The following KCNK6 variants were observed in gnomAD, a reference collection of about 807,000 sequenced individuals.
KCNK6 encodes the protein potassium channel subfamily K member 6.
A neutral mutation model predicts 21.9 loss-of-function variants in KCNK6; 20 were observed. The ratio of observed to expected loss-of-function variants is 0.91; its 90% CI spans 0.64 to 1.32. The LOEUF (loss-of-function observed/expected upper bound fraction) is 1.32, where lower values mean the gene tolerates loss of function less well. KCNK6 is among the 40% of genes most tolerant of loss of function. The pLI, the probability that KCNK6 is intolerant of heterozygous loss-of-function variation, is 0.00. For synonymous variants in KCNK6, 210 were observed against 218.0 expected (o/e 0.96, Z 0.32); for missense variants, 415 against 433.1 (o/e 0.96, Z 0.37).
chr19:38,322,759 A>T (rs917309622), intron 1 of KCNK6, among the ~76,000 whole-genome samples: 1 of 143,320 alleles, frequency 7.0e-6, no homozygotes, highest in Non-Finnish European at 1.5e-5. Flanking sequence ...AGGTTGCAAT[A>T]AGCTGAGATT....
rs914943766 is a variant in KCNK6, at chr19:38,327,724, T to C, written c.*321T>C. 7.7e-6 allele frequency: 3 copies of C among 388,452 alleles called. No homozygotes were observed. Among genetic ancestry groups the C allele is most frequent in the Non-Finnish European group, 1.4e-5 (3 of 208,392 alleles). 24.1% of individuals were successfully genotyped at this position (388,452 alleles called of 1,614,324 possible). A position where few individuals can be genotyped will look rare whatever the true frequency, so the allele number is the denominator to read the frequency against. On this transcript the variant is annotated 3_prime_UTR_variant, in exon 3 of 3. Transcript: ENST00000263372. ...CTCTTGCTGTCTCTGTTTCTCATTC[T>C]CTTTCATGTTCCGTCTGTGTCTCTC...
At chr19:38,326,051 A>G (rs918015415) in intron 1 of KCNK6, among the ~76,000 whole-genome samples, 1 of 151,836 alleles carries the variant, frequency 6.6e-6, no homozygotes, top group Non-Finnish European at 1.5e-5. Flanking sequence ...GAAAGTTGAG[A>G]TAATAGGCTT....
In KCNK6 at chr19:38,328,520, A is replaced by C. The variant is rs1454695222; in HGVS notation, c.*1117A>C. The C allele has an allele frequency of 1.3e-5, 2 of 152,200 alleles. No homozygotes were observed. Among genetic ancestry groups the C allele is most frequent in the African/African-American group, 4.8e-5 (2 of 41,434 alleles). 9.4% of individuals were successfully genotyped at this position (152,200 alleles called of 1,614,324 possible). ...TCTGATTTTGTTTCCTTATCTGTAAAATGGTGATCATCATAATACAACTTC... is the reference window on the plus strand; with the variant it reads ...TCTGATTTTGTTTCCTTATCTGTAACATGGTGATCATCATAATACAACTTC... On this transcript the variant is annotated 3_prime_UTR_variant, in exon 3 of 3. Transcript: ENST00000263372.
rs1969722963 is a variant in KCNK6 at position 38,327,308 on chromosome 19, G to A, written c.847G>A (p.Glu283Lys). The change falls in exon 3 of 3, where the codon GAG (glutamate) becomes AAG (lysine). Residue 283 changes from glutamate (E) to lysine (K), a missense_variant. Coordinates refer to ENST00000263372, the MANE Select transcript of KCNK6 (RefSeq NM_004823.3). ...PPCPASFNAD[E>K]DDRVDILGPQ... ...GTGCCCTGCCAGTTTCAATGCGGATGAGGACGATCGGGTGGACATCCTGGG... is the reference window on the plus strand; with the variant it reads ...GTGCCCTGCCAGTTTCAATGCGGATAAGGACGATCGGGTGGACATCCTGGG... The A allele has an allele frequency of 1.2e-6, 2 of 1,613,482 alleles. No individual in the cohort carries two copies. The highest frequency in any genetic ancestry group is 3.3e-5 in the Admixed American group (2 of 60,004).
Position 38,326,978 on chromosome 19 carries a change from G to T in KCNK6, c.708G>T (p.Val236=). The change falls in exon 2 of 3, where the codon GTG becomes GTT. Residue 236 remains valine, a synonymous_variant. Transcript: ENST00000263372. ...AGCCCTACCGGGCCCTCTACAAGGT[G>T]CTGGTCACAGGTGAGCTGGGTGGCT... ...PGQPYRALYK[V]LVTVYLFLGL... 6.2e-7 allele frequency: 1 copy of T among 1,600,554 alleles called. No individual in the cohort carries two copies.
rs369554463 is a variant in KCNK6, at chr19:38,327,169, C to T, written c.719-11C>T. 77 of 1,610,022 alleles carry T rather than the reference C, an allele frequency of 4.8e-5. No homozygotes were observed. Among genetic ancestry groups the T allele is most frequent in the Admixed American group, 2.5e-4 (15 of 60,022 alleles). Reference sequence around the variant, plus strand: ...CCCAGGATGACCAACGCCCCTTCTCCGCCTTTACAGTCTACCTCTTCCTGG... The same window carrying T: ...CCCAGGATGACCAACGCCCCTTCTCTGCCTTTACAGTCTACCTCTTCCTGG... On this transcript the variant is annotated splice_polypyrimidine_tract_variant and intron_variant, in intron 2 of 2. Transcript: ENST00000263372.
At chr19:38,320,684 G>A (rs557430752) in intron 1 of KCNK6, among the ~76,000 whole-genome samples, 2 of 152,068 alleles carry the variant, frequency 1.3e-5, no homozygotes, top group East Asian at 3.9e-4. Flanking sequence ...TCAGCCTGCC[G>A]AGTAGCTGGG....
intron 1 of KCNK6, among the ~76,000 whole-genome samples, chr19:38,322,466 A>G (rs1359877424): frequency 6.6e-6 from 1 of 152,198 alleles, no homozygotes; most frequent in Non-Finnish European, 1.5e-5. Context: ...GATTCTTGCT[A>G]AACTCAGCTT....
chr19:38,325,388 T>C, intron 1 of KCNK6: 1 of 985,426 alleles, frequency 1.0e-6, no homozygotes, highest in Non-Finnish European at 1.2e-6. Context: ...GTGCTGGGAT[T>C]ACAGACCTGA....
At chr19:38,326,380 C>T (rs1044302105) in intron 1 of KCNK6, among the ~76,000 whole-genome samples, 15 of 152,080 alleles carry the variant, frequency 9.9e-5, no homozygotes, top group Admixed American at 7.2e-4. Context: ...AGGACCCCAT[C>T]TCTACAAAAA....
At chr19:38,323,655 C>G (rs537104234) in intron 1 of KCNK6, among the ~76,000 whole-genome samples, 2 of 152,300 alleles carry the variant, frequency 1.3e-5, no homozygotes, top group East Asian at 3.9e-4. Context: ...GGCTAGAGTG[C>G]AGTGGCGCAG....
intron 1 of KCNK6, among the ~76,000 whole-genome samples, chr19:38,321,478 T>TC (rs771081853): frequency 5.7e-4 from 86 of 152,206 alleles, no homozygotes; most frequent in Non-Finnish European, 1.8e-4. Context: ...TAGGGATGTG[T>TC]CAAAAGGACC....
intron 1 of KCNK6, among the ~76,000 whole-genome samples, chr19:38,326,223 A>G (rs910686264): frequency 6.6e-6 from 1 of 151,806 alleles, no homozygotes; most frequent in Admixed American, 6.6e-5. Flanking sequence ...GGGTGTCCGC[A>G]GACCTCTCGC....
At position 38,327,317 on chromosome 19, in the gene KCNK6, C is replaced by G. The variant is rs151147940; in HGVS notation, c.856C>G (p.Arg286Gly). The change falls in exon 3 of 3, where the codon CGG (arginine) becomes GGG (glycine). Residue 286 changes from arginine (R) to glycine (G), a missense_variant. Arg to Gly is a moderately radical substitution (Grantham distance 125, BLOSUM62 -2). Coordinates refer to ENST00000263372, the MANE Select transcript of KCNK6 (RefSeq NM_004823.3). ...CAGTTTCAATGCGGATGAGGACGAT[C>G]GGGTGGACATCCTGGGCCCCCAGCC... is the stretch of plus-strand genomic sequence containing the variant. Reference protein sequence around the residue: ...PASFNADEDDRVDILGPQPES... With the variant: ...PASFNADEDDGVDILGPQPES... 34 of 1,613,340 alleles carry G rather than the reference C, an allele frequency of 2.1e-5. No individual in the cohort carries two copies. The African/African-American group carries it at 3.3e-4, about 16-fold the overall frequency.
At chr19:38,326,385 C>G (rs533137342) in intron 1 of KCNK6, among the ~76,000 whole-genome samples, 1 of 151,952 alleles carries the variant, frequency 6.6e-6, no homozygotes, top group Non-Finnish European at 1.5e-5. Context: ...CCCATCTCTA[C>G]AAAAAAATTT....
rs969589596 is a variant in KCNK6 at position 38,331,141 on chromosome 19, T to C, written c.*3738T>C. 1.3e-5 allele frequency: 2 copies of C among 151,406 alleles called. No individual in the cohort carries two copies. Among genetic ancestry groups the C allele is most frequent in the African/African-American group, 4.9e-5 (2 of 41,050 alleles). The allele number at this position is 151,406 out of a possible 1,614,324, so 9.4% of individuals were successfully genotyped here. A position where few individuals can be genotyped will look rare whatever the true frequency, so the allele number is the denominator to read the frequency against. On this transcript the variant is annotated 3_prime_UTR_variant, in exon 3 of 3. Coordinates refer to ENST00000263372, the MANE Select transcript of KCNK6 (RefSeq NM_004823.3). The stretch of plus-strand genomic sequence containing the variant: ...CGGGAGCTGGAGACCAGCCTGGACA[T>C]GTTAACATAGCAAGACCCCTCTACA...
rs1969771271 is a variant in KCNK6 at position 38,331,940 on chromosome 19, A to G, written c.*4537A>G. 6.6e-6 allele frequency: 1 copy of G among 152,180 alleles called. No homozygotes were observed. Among genetic ancestry groups the G allele is most frequent in the African/African-American group, 2.4e-5 (1 of 41,446 alleles). The allele number at this position is 152,180 out of a possible 1,614,324, so 9.4% of individuals were successfully genotyped here. A position where few individuals can be genotyped will look rare whatever the true frequency, so the allele number is the denominator to read the frequency against. On this transcript the variant is annotated 3_prime_UTR_variant, in exon 3 of 3. Transcript: ENST00000263372. The stretch of plus-strand genomic sequence containing the variant: ...AAGTGATTTCACCTCCATGTGCCTC[A>G]GTTTGCTAGTCTGTACAATGGGATG...
At chr19:38,323,062 G>A (rs753974941) in intron 1 of KCNK6, among the ~76,000 whole-genome samples, 27 of 152,300 alleles carry the variant, frequency 1.8e-4, no homozygotes, top group Non-Finnish European at 2.9e-4. Flanking sequence ...GCAGTGAGCC[G>A]AGATCTCGCC....
intron 1 of KCNK6, 83 bp from the exon 2 acceptor site, chr19:38,326,510 C>G: frequency 6.9e-7 from 1 of 1,456,528 alleles, no homozygotes; most frequent in Non-Finnish European, 9.2e-7. Context: ...ATGATGGCAC[C>G]GCTGCACTCC....
Sources: allele counts gnomAD v4.1 joint callset (sites outside exome capture counted in the v4.1 genomes callset), GRCh38; gene constraint gnomAD v4.1.1; transcripts MANE v1.5; gene names NCBI Gene and HGNC (gene_info 2026-07-23, HGNC 2026-07-21).